The following LINGO2 variants were observed in gnomAD, a reference collection of about 807,000 sequenced individuals.
LINGO2 encodes leucine-rich repeat and immunoglobulin-like domain-containing nogo receptor-interacting protein 2.
Under a neutral mutation model 30.6 loss-of-function variants are expected in LINGO2, and 14 were observed. The observed-to-expected ratio is 0.46, with a 90% CI of 0.30 to 0.72. The LOEUF (loss-of-function observed/expected upper bound fraction) is 0.72, where lower values mean the gene tolerates loss of function less well. LINGO2 is among the 30% of genes least tolerant of loss of function. The pLI is 0.07. For synonymous variants in LINGO2, 317 were observed against 288.5 expected, an observed-to-expected ratio of 1.10 and a Z score of -1.00; for missense variants, 729 against 751.7, an observed-to-expected ratio of 0.97 and a Z score of 0.35.
chr9:28,692,416 A>C, the LINGO2 span, among the ~76,000 whole-genome samples: 1 of 152,140 alleles, frequency 6.6e-6, no homozygotes, highest in Non-Finnish European at 1.5e-5. Flanking sequence ...CGGAGGTTGC[A>C]ATGAGCCAAG....
intron 2 of LINGO2, among the ~76,000 whole-genome samples, chr9:28,456,178 G>A (rs1247312452): frequency 6.6e-6 from 1 of 152,154 alleles, no homozygotes; most frequent in East Asian, 1.9e-4. Flanking sequence ...ATTGAGGTAA[G>A]TGCTATTGTT....
intron 4 of LINGO2, among the ~76,000 whole-genome samples, chr9:28,204,646 C>G (rs1042834473): frequency 6.6e-6 from 1 of 152,032 alleles, no homozygotes; most frequent in Non-Finnish European, 1.5e-5. Context: ...TTTTCTTCAT[C>G]AAAGTATCAT....
intron 5 of LINGO2, among the ~76,000 whole-genome samples, chr9:27,969,813 T>C (rs1008243138): frequency 6.6e-6 from 1 of 152,036 alleles, no homozygotes; most frequent in East Asian, 1.9e-4. Flanking sequence ...TCTGAGCTAC[T>C]AGATCAAGGT....
chr9:28,272,256 C>T (rs1291540870), intron 4 of LINGO2, among the ~76,000 whole-genome samples: 1 of 152,108 alleles, frequency 6.6e-6, no homozygotes, highest in Non-Finnish European at 1.5e-5. Context: ...GATCGTGTTC[C>T]TCTTACGCCA....
the LINGO2 span, among the ~76,000 whole-genome samples, chr9:29,194,045 G>A: frequency 4.6e-5 from 7 of 152,146 alleles, no homozygotes; most frequent in African/African-American, 1.4e-4. Flanking sequence ...CTCCACCACA[G>A]TAATCTGGGC....
the LINGO2 span, among the ~76,000 whole-genome samples, chr9:29,074,641 A>G: frequency 1.3e-5 from 2 of 148,512 alleles, no homozygotes; most frequent in Admixed American, 6.7e-5. Flanking sequence ...TGCTAAACAC[A>G]TAAGTTACAC....
chr9:28,814,388 G>A, the LINGO2 span, among the ~76,000 whole-genome samples: 1 of 152,016 alleles, frequency 6.6e-6, no homozygotes, highest in Non-Finnish European at 1.5e-5. Context: ...AGTGAGCCAA[G>A]AGAGTGCCAC....
the LINGO2 span, among the ~76,000 whole-genome samples, chr9:28,987,904 T>C: frequency 1.3e-5 from 2 of 152,200 alleles, no homozygotes; most frequent in Non-Finnish European, 2.9e-5. Context: ...ACATACCTGA[T>C]ATGATTTCAA....
chr9:28,910,246 T>G, the LINGO2 span, among the ~76,000 whole-genome samples: 7 of 152,046 alleles, frequency 4.6e-5, no homozygotes, highest in African/African-American at 1.7e-4. Context: ...CGATTTTGAT[T>G]TGCTTTATGT....
At chr9:28,044,322 T>A (rs142633880) in intron 4 of LINGO2, among the ~76,000 whole-genome samples, 1 of 152,334 alleles carries the variant, frequency 6.6e-6, no homozygotes, top group Admixed American at 6.5e-5. Context: ...GTATACATGT[T>A]AAAATTATAT....
the LINGO2 span, among the ~76,000 whole-genome samples, chr9:29,135,220 T>C: frequency 6.6e-6 from 1 of 152,102 alleles, no homozygotes; most frequent in Non-Finnish European, 1.5e-5. Context: ...CCTCATACTC[T>C]TTCCCAACAT....
intron 3 of LINGO2, among the ~76,000 whole-genome samples, chr9:28,310,483 A>C (rs532008273): frequency 3.2e-4 from 48 of 152,330 alleles, no homozygotes; most frequent in African/African-American, 1.1e-3. Flanking sequence ...CTCCATGTAT[A>C]TAAAACAGTA....
intron 1 of LINGO2, among the ~76,000 whole-genome samples, chr9:28,585,813 T>C (rs1824505754): frequency 6.6e-6 from 1 of 152,062 alleles, no homozygotes; most frequent in Admixed American, 6.6e-5. Context: ...TTGTTGTTGG[T>C]TCACTTGGTA....
intron 5 of LINGO2, among the ~76,000 whole-genome samples, chr9:27,997,265 G>C (rs906965368): frequency 2.0e-5 from 3 of 152,330 alleles, no homozygotes; most frequent in African/African-American, 7.2e-5. Context: ...AAAGACTTAA[G>C]ATGTGCACGT....
the LINGO2 span, among the ~76,000 whole-genome samples, chr9:28,994,123 T>A: frequency 2.0e-5 from 3 of 151,894 alleles, no homozygotes; most frequent in Non-Finnish European, 4.4e-5. Context: ...AAAACCCCAT[T>A]GTCTCAGCCC....
At chr9:28,823,771 T>C in the LINGO2 span, among the ~76,000 whole-genome samples, 1 of 152,152 alleles carries the variant, frequency 6.6e-6, no homozygotes, top group African/African-American at 2.4e-5. Context: ...AGATGAAGCT[T>C]AAAATCTGTA....
chr9:28,060,075 T>C (rs1825095832), intron 4 of LINGO2, among the ~76,000 whole-genome samples: 1 of 152,116 alleles, frequency 6.6e-6, no homozygotes, highest in Admixed American at 6.6e-5. Flanking sequence ...TCACTATTAT[T>C]ACAAAATTAG....
intron 1 of LINGO2, among the ~76,000 whole-genome samples, chr9:28,589,622 C>G (rs988079466): frequency 1.8e-4 from 27 of 152,058 alleles, no homozygotes; most frequent in Admixed American, 1.4e-3. Context: ...TCAAAGAGAA[C>G]TACAAACCAC....
chr9:28,064,019 A>G (rs1025747829), intron 4 of LINGO2, among the ~76,000 whole-genome samples: 2 of 152,168 alleles, frequency 1.3e-5, no homozygotes, highest in African/African-American at 4.8e-5. Context: ...CAAAATAAAA[A>G]ATAGCATAAG....
Sources: allele counts gnomAD v4.1 joint callset (sites outside exome capture counted in the v4.1 genomes callset), GRCh38; gene constraint gnomAD v4.1.1; transcripts MANE v1.5; gene names NCBI Gene and HGNC (gene_info 2026-07-23, HGNC 2026-07-21).